The following SRMS variants were observed in gnomAD, a reference collection of about 807,000 sequenced individuals.
SRMS encodes src-related kinase lacking C-terminal regulatory tyrosine and N-terminal myristylation sites.
A neutral mutation model predicts 43.5 loss-of-function variants in SRMS; 42 were observed. The observed-to-expected ratio is 0.97, with a 90% confidence interval of 0.75 to 1.25. The LOEUF (loss-of-function observed/expected upper bound fraction) is 1.25. Ranked by LOEUF, SRMS falls within the 50% of genes most tolerant of loss-of-function variation. The pLI, the probability that SRMS is intolerant of heterozygous loss-of-function variation, is 0.00. For missense variants in SRMS, 703 were observed against 681.0 expected (o/e 1.03, Z -0.36); for synonymous variants, 316 against 308.2 (o/e 1.03, Z -0.27).
chr20:63,538,502 T>A lies in SRMS; in HGVS notation c.*2316A>T, dbSNP rs1317142066. 6.6e-6 allele frequency among the ~76,000 whole-genome samples: 1 copy of A among 152,176 alleles called. No homozygotes were observed. Among genetic ancestry groups the A allele is most frequent in the African/African-American group, 2.4e-5 (1 of 41,438 alleles). On this transcript the variant is annotated 3_prime_UTR_variant, in exon 8 of 8. Transcript: ENST00000217188. ...AAGTCCCTAAACTGCGTATTTCAAC[T>A]TTTATTTTTATTGCAAAGAGAAATA...
rs1380571026 is a variant in SRMS, at chr20:63,538,720, G to A, written c.*2098C>T. 7.2e-6 allele frequency among the ~76,000 whole-genome samples: 1 copy of A among 138,296 alleles called. No homozygotes were observed. The highest frequency in any genetic ancestry group is 2.6e-5 in the African/African-American group (1 of 38,532). 90.7% of individuals were successfully genotyped at this position (138,296 alleles called of 152,430 possible). ...GGTTGGGGAGGATGCAGGGGGAGGG[G>A]TGGGGGGTGGGGAATGCGGAAGGAG... On this transcript the variant is annotated 3_prime_UTR_variant, in exon 8 of 8. Transcript: ENST00000217188.
chr20:63,541,702 A>G, intron 5 of SRMS, 82 bp from the exon 6 acceptor site: 1 of 1,400,094 alleles, frequency 7.1e-7, no homozygotes, highest in Non-Finnish European at 9.4e-7. Context: ...ACCTTCCCCC[A>G]TGCCTCAGCC....
intron 5 of SRMS, 64 bp downstream of exon 5, chr20:63,542,099 C>A: frequency 6.4e-7 from 1 of 1,560,636 alleles, no homozygotes; most frequent in South Asian, 1.2e-5. Context: ...TTCAGCTCTG[C>A]GCCAGGAGGG....
chr20:63,538,651 G>A lies in SRMS; in HGVS notation c.*2167C>T, dbSNP rs1162188849. ...GGTGGGGAGGGGCAGCGGGGTGCCG[G>A]CCTGGGCAGTGTCCCTCAGGCCCTC... On this transcript the variant is annotated 3_prime_UTR_variant, in exon 8 of 8. Coordinates refer to ENST00000217188, the MANE Select transcript of SRMS (RefSeq NM_080823.4). 1.4e-5 allele frequency among the ~76,000 whole-genome samples: 2 copies of A among 148,128 alleles called. No homozygotes were observed. The highest frequency in any genetic ancestry group is 4.0e-4 in the East Asian group (2 of 4,958).
In SRMS at chr20:63,547,254, C is replaced by T. The variant is rs139150395; in HGVS notation, c.210G>A (p.Leu70=). ...YDFTARCGGE[L]SVRRGDRLCA... Reference sequence around the variant, plus strand: ...AGAGCCTGTCCCCGCGGCGGACACTCAGCTCCCCGCCACACCGCGCCGTGA... The same window carrying T: ...AGAGCCTGTCCCCGCGGCGGACACTTAGCTCCCCGCCACACCGCGCCGTGA... Residue 70 remains leucine, a synonymous_variant, in exon 1 of 8, where the codon CTG becomes CTA. Transcript: ENST00000217188. 1.2e-3 allele frequency: 1,880 copies of T among 1,605,458 alleles called. 2 individuals carry two copies. The highest frequency in any genetic ancestry group is 1.4e-3 in the Admixed American group (85 of 58,884).
intron 1 of SRMS, among the ~76,000 whole-genome samples, chr20:63,545,969 G>A (rs566550021): frequency 6.6e-6 from 1 of 152,312 alleles, no homozygotes; most frequent in African/African-American, 2.4e-5. Flanking sequence ...CTGAGATGCA[G>A]AGGATGTGTC....
At chr20:63,546,960 A>G in intron 1 of SRMS, 148 bp downstream of exon 1, 2 of 761,464 alleles carry the variant, frequency 2.6e-6, no homozygotes, top group Non-Finnish European at 3.9e-6. Flanking sequence ...CCCGGGGCCC[A>G]TCAGCTGTCC....
rs2082691178 is a variant in SRMS at position 63,539,566 on chromosome 20, G to A, written c.*1252C>T. Among the ~76,000 whole-genome samples, 1 of 152,188 alleles carries A rather than the reference G, an allele frequency of 6.6e-6. No individual in the cohort carries two copies. The highest frequency in any genetic ancestry group is 1.5e-5 in the Non-Finnish European group (1 of 68,020). ...AACCTGGGCTCCCAGGAGGGTGGGG[G>A]GCAGGGTCTCCGGGGGCCACAAACA... On this transcript the variant is annotated 3_prime_UTR_variant, in exon 8 of 8. Transcript: ENST00000217188.
chr20:63,543,804 ATG>A, intron 2 of SRMS: 2 of 384,594 alleles, frequency 5.2e-6, no homozygotes, highest in Non-Finnish European at 9.3e-6. Context: ...GAATGAATGA[ATG>A]AACGAATAAG....
In SRMS at chr20:63,541,550, G is replaced by A; in HGVS notation, c.1017C>T (p.Ser339=). The change falls in exon 6 of 8, where the codon AGC becomes AGT. Residue 339 remains serine, a synonymous_variant. Transcript: ENST00000217188. The stretch of plus-strand genomic sequence containing the variant: ...GCACAACGCGCTGCTCCTCCAGGTA[G>A]CTCATGCCCTCAGCCACCTGGCAGG... ...GFACQVAEGM[S]YLEEQRVVHR... is the part of the protein sequence containing the mutation. 6.3e-7 allele frequency: 1 copy of A among 1,589,576 alleles called. No individual in the cohort carries two copies. The highest frequency in any genetic ancestry group is 1.1e-5 in the South Asian group (1 of 88,900).
At chr20:63,543,798 G>C in intron 2 of SRMS, 1 of 388,406 alleles carries the variant, frequency 2.6e-6, no homozygotes, top group Non-Finnish European at 4.6e-6. Flanking sequence ...AAAAGTGAAT[G>C]AATGAATGAA....
chr20:63,544,496 A>G (rs966437932), intron 1 of SRMS, 148 bp from the exon 2 acceptor site: 1 of 1,061,586 alleles, frequency 9.4e-7, no homozygotes, highest in African/African-American at 1.7e-5. Context: ...TCCCAGCTCA[A>G]GGTCTGCACT....
In SRMS at chr20:63,542,325, C is replaced by T. The variant is rs375512971; in HGVS notation, c.788-4G>A. On this transcript the variant is annotated splice_polypyrimidine_tract_variant and splice_region_variant and intron_variant, in intron 4 of 7. Coordinates refer to ENST00000217188, the MANE Select transcript of SRMS (RefSeq NM_080823.4). ...AGGTCAGTGAGCTTCATGTTGGCTG[C>T]GAGAGAGGGTGTGGCTCCAGGACCG... The T allele has an allele frequency of 3.1e-5, 50 of 1,606,120 alleles. No homozygotes were observed. In the African/African-American group the frequency reaches 3.9e-4, roughly 12 times the overall value.
rs772133692 is a variant in SRMS, at chr20:63,541,150, G to A, written c.1285+41C>T. On this transcript the variant is annotated intron_variant, in intron 7 of 7. Transcript: ENST00000217188. ...CCAGGCCCGGGGCCAGTGACTCCTGGGCAGAGCCTGCATCCTCCCTCTGGC... is the reference window on the plus strand; with the variant it reads ...CCAGGCCCGGGGCCAGTGACTCCTGAGCAGAGCCTGCATCCTCCCTCTGGC... 5 of 1,549,666 alleles carry A rather than the reference G, an allele frequency of 3.2e-6. No homozygotes were observed. The East Asian group carries it at 6.8e-5, about 21-fold the overall frequency.
At chr20:63,543,935 G>A (rs1468528963) in intron 2 of SRMS, among the ~76,000 whole-genome samples, 1 of 152,228 alleles carries the variant, frequency 6.6e-6, no homozygotes, top group African/African-American at 2.4e-5. Flanking sequence ...GAATTAGTGA[G>A]TGAGGAATGA....
chr20:63,540,902 CTCCAGCAT>C lies in SRMS; in HGVS notation c.1375_1382del (p.Met459ValfsTer88). The C allele has an allele frequency of 1.2e-6, 2 of 1,606,254 alleles. No individual in the cohort carries two copies. The highest frequency in any genetic ancestry group is 8.5e-7 in the Non-Finnish European group (1 of 1,179,596). On this transcript the variant is annotated frameshift_variant, in exon 8 of 8. Coordinates refer to ENST00000217188, the MANE Select transcript of SRMS (RefSeq NM_080823.4). LOFTEE classifies it low-confidence loss of function (END_TRUNC). ...GTTCCTCGGGGCTGCTCCTCCAGCA[CTCCAGCAT>C]GAGCACGTAGACCTCCGCCGGGCAG...
In SRMS at chr20:63,542,461, C is replaced by T; in HGVS notation, c.766G>A (p.Ala256Thr). 6.2e-7 allele frequency: 1 copy of T among 1,612,182 alleles called. No individual in the cohort carries two copies. The highest frequency in any genetic ancestry group is 8.5e-7 in the Non-Finnish European group (1 of 1,179,596). ...EGLWLGSLPV[A>T]IKVIKSANMK... ...TCACCTGACTTGATGACCTTGATCG[C>T]CACGGGCAGGGAGCCCAGCCACAGG... is the stretch of plus-strand genomic sequence containing the variant. Residue 256 changes from alanine (A) to threonine (T), a missense_variant, in exon 4 of 8, where the codon GCG (alanine) becomes ACG (threonine). By Grantham distance (58) the Ala-to-Thr change is moderately conservative (BLOSUM62 0). Transcript: ENST00000217188.
chr20:63,546,129 G>A (rs1025976962), intron 1 of SRMS, among the ~76,000 whole-genome samples: 3 of 152,164 alleles, frequency 2.0e-5, no homozygotes, highest in Non-Finnish European at 2.9e-5. Flanking sequence ...TCCAGGAACT[G>A]CTGAAGGGGT....
Position 63,541,295 on chromosome 20 carries a change from G to A in SRMS, c.1181C>T (p.Ala394Val), listed in dbSNP as rs146362549. The stretch of plus-strand genomic sequence containing the variant: ...GACACGATAATTGGCCGCCTCAGGC[G>A]CTGTCCACTTGACCGGGATCTTGGA... ...SSSKIPVKWT[A>V]PEAANYRVFS... is the part of the protein sequence containing the mutation. Residue 394 changes from alanine to valine, a missense_variant, in exon 7 of 8, where the codon GCG (alanine) becomes GTG (valine). Ala to Val is a moderately conservative substitution (Grantham distance 64, BLOSUM62 0). Coordinates refer to ENST00000217188, the MANE Select transcript of SRMS (RefSeq NM_080823.4). 24 of 1,560,306 alleles carry A rather than the reference G, an allele frequency of 1.5e-5. No individual in the cohort carries two copies. The highest frequency in any genetic ancestry group is 2.7e-5 in the African/African-American group (2 of 72,756).
Sources: allele counts gnomAD v4.1 joint callset (sites outside exome capture counted in the v4.1 genomes callset), GRCh38; gene constraint gnomAD v4.1.1; transcripts MANE v1.5; gene names NCBI Gene and HGNC (gene_info 2026-07-23, HGNC 2026-07-21).